The following DISC1 variants were observed in gnomAD, a reference collection of about 807,000 sequenced individuals.
DISC1 encodes DISC1 scaffold protein, also known as disrupted in schizophrenia 1 protein.
A neutral mutation model predicts 84.5 loss-of-function variants in DISC1; 57 were observed. That is an observed-to-expected ratio of 0.67 (90% CI 0.55 to 0.84). The LOEUF (loss-of-function observed/expected upper bound fraction) is 0.84. Ranked by LOEUF, DISC1 falls within the 40% of genes least tolerant of loss-of-function variation. The pLI is 0.00. For synonymous variants in DISC1, 411 were observed against 415.2 expected (o/e 0.99, Z 0.12); for missense variants, 1,000 against 1,057.8 (o/e 0.95, Z 0.76).
intron 3 of DISC1, among the ~76,000 whole-genome samples, chr1:231,726,297 A>G (rs1558432006): frequency 1.3e-5 from 2 of 152,182 alleles, no homozygotes; most frequent in Admixed American, 6.5e-5. Context: ...TGGGCTTCCT[A>G]ATACCAAACC....
chr1:231,709,991 A>G (rs2067609380), intron 3 of DISC1, among the ~76,000 whole-genome samples: 1 of 152,150 alleles, frequency 6.6e-6, no homozygotes, highest in South Asian at 2.1e-4. Context: ...GATTCCAGGT[A>G]GGTCTTGGCC....
chr1:232,032,035 T>C (rs1670098972), intron 12 of DISC1, among the ~76,000 whole-genome samples: 1 of 152,168 alleles, frequency 6.6e-6, no homozygotes, highest in African/African-American at 2.4e-5. Context: ...TTTTTTCAGA[T>C]TGTGGAATAT....
chr1:231,638,275 G>A (rs1173758732), intron 1 of DISC1, among the ~76,000 whole-genome samples: 1 of 152,162 alleles, frequency 6.6e-6, no homozygotes, highest in Non-Finnish European at 1.5e-5. Flanking sequence ...CATTCTGCAG[G>A]TTGTCTCTTA....
At chr1:232,036,241 C>T (rs1236171833) in intron 12 of DISC1, among the ~76,000 whole-genome samples, 1 of 152,166 alleles carries the variant, frequency 6.6e-6, no homozygotes, top group African/African-American at 2.4e-5. Context: ...TCCAGTATGC[C>T]TCTCCCTACT....
chr1:231,885,768 G>A (rs948029270), intron 9 of DISC1, among the ~76,000 whole-genome samples: 1 of 152,174 alleles, frequency 6.6e-6, no homozygotes, highest in Non-Finnish European at 1.5e-5. Flanking sequence ...AAAAGGGGAG[G>A]AGGCAGAGAA....
At chr1:231,871,634 G>GTCT (rs2085473657) in intron 9 of DISC1, among the ~76,000 whole-genome samples, 1 of 152,180 alleles carries the variant, frequency 6.6e-6, no homozygotes, top group African/African-American at 2.4e-5. Context: ...CCGCCTCTTT[G>GTCT]TCTTCTGTCT....
rs186897102 is a variant in DISC1 at position 231,830,469 on chromosome 1, A to C, written c.1981+11952A>C. ...TAAGGAGATTCAGCATAGTCCTGCC[A>C]GCAAAGATTATTTATTTACTTCAAA... On this transcript the variant is annotated intron_variant, in intron 9 of 12. Transcript: ENST00000439617. 4.1e-4 allele frequency among the ~76,000 whole-genome samples: 63 copies of C among 152,332 alleles called. 1 individual carries two copies. The East Asian group carries it at 7.9e-3, about 19-fold the overall frequency.
rs151091484 is a variant in DISC1 at position 231,780,123 on chromosome 1, A to G, written c.1634+9053A>G. ...GAGGGGCGAGGGATAGCATTGGGAG[A>G]TATACCTAATGCTAGATGACGAGTT... On this transcript the variant is annotated intron_variant, in intron 6 of 12. Transcript: ENST00000439617. Among the ~76,000 whole-genome samples, 995 of 151,986 alleles carry G rather than the reference A, an allele frequency of 6.5e-3. 6 individuals carry two copies. The highest frequency in any genetic ancestry group is 0.023 in the African/African-American group (942 of 41,434).
intron 1 of DISC1, among the ~76,000 whole-genome samples, chr1:231,640,369 A>G (rs186587696): frequency 6.6e-6 from 1 of 152,166 alleles, no homozygotes; most frequent in African/African-American, 2.4e-5. Context: ...AGATGAGCAC[A>G]AGACATCATG....
At chr1:231,779,652 C>T (rs141577213) in intron 6 of DISC1, among the ~76,000 whole-genome samples, 235 of 149,392 alleles carry the variant, frequency 1.6e-3, no homozygotes, top group African/African-American at 5.4e-3. Flanking sequence ...CTCCACTTCC[C>T]GGGTTCACGC....
chr1:231,762,203 CTTTTCTTTTCT>C (rs2075753271), intron 4 of DISC1, among the ~76,000 whole-genome samples: 1 of 65,682 alleles, frequency 1.5e-5, no homozygotes, highest in African/African-American at 6.1e-5. Context: ...CTTTTCTTTT[CTTTTCTTTTCT>C]CTTCTTTTCT....
At position 231,958,920 on chromosome 1, in the gene DISC1, C is replaced by T. The variant is rs373211699; in HGVS notation, c.2042+32C>T. On this transcript the variant is annotated intron_variant, in intron 10 of 12. Transcript: ENST00000439617. ...ATAATAATTTCTGTATTTCAGACTCCGTAGCACATCTAGATTCTTTATTAT... is the reference window on the plus strand; with the variant it reads ...ATAATAATTTCTGTATTTCAGACTCTGTAGCACATCTAGATTCTTTATTAT... 113 of 1,598,506 alleles carry T rather than the reference C, an allele frequency of 7.1e-5. No homozygotes were observed. The African/African-American group carries it at 8.8e-4, about 12-fold the overall frequency.
At position 231,959,088 on chromosome 1, in the gene DISC1, T is replaced by C. The variant is rs953657820; in HGVS notation, c.2042+200T>C. On this transcript the variant is annotated intron_variant, in intron 10 of 12. Coordinates refer to ENST00000439617, the MANE Select transcript of DISC1 (RefSeq NM_018662.3). ...TCTTGTCTTTTAAAAAGTAAGTAGA[T>C]TAAGATGTTTAAAAGTGTCTTGGAG... The C allele has an allele frequency of 7.4e-6, 10 of 1,352,172 alleles. No individual in the cohort carries two copies. The African/African-American group carries it at 1.5e-4, about 20-fold the overall frequency. The allele number at this position is 1,352,172 out of a possible 1,614,324, so 83.8% of individuals were successfully genotyped here.
intron 9 of DISC1, among the ~76,000 whole-genome samples, chr1:231,912,735 G>T (rs1479090411): frequency 1.4e-5 from 2 of 139,666 alleles, no homozygotes; most frequent in Non-Finnish European, 3.0e-5. Context: ...TAAGTCTGCA[G>T]CTTGCTCTTC....
intron 9 of DISC1, among the ~76,000 whole-genome samples, chr1:231,847,495 A>G (rs540785451): frequency 6.6e-6 from 1 of 152,228 alleles, no homozygotes; most frequent in South Asian, 2.1e-4. Context: ...CTGGTCACAC[A>G]CAGAAAATAA....
chr1:231,979,600 T>C (rs1254133913), intron 10 of DISC1, among the ~76,000 whole-genome samples: 1 of 150,078 alleles, frequency 6.7e-6, no homozygotes, highest in Non-Finnish European at 1.5e-5. Context: ...TATAATGACA[T>C]ATATATATAT....
intron 10 of DISC1, among the ~76,000 whole-genome samples, chr1:231,997,000 A>G (rs537559482): frequency 7.9e-5 from 12 of 152,282 alleles, no homozygotes; most frequent in African/African-American, 2.9e-4. Context: ...AAAATCAACC[A>G]CTACTCTCTT....
intron 3 of DISC1, among the ~76,000 whole-genome samples, chr1:231,726,590 G>A (rs919466138): frequency 6.6e-6 from 1 of 152,178 alleles, no homozygotes; most frequent in East Asian, 1.9e-4. Context: ...TAAGGGCAGG[G>A]AAGACGGGCT....
chr1:231,742,245 A>G (rs1309614384), intron 3 of DISC1, among the ~76,000 whole-genome samples: 2 of 152,130 alleles, frequency 1.3e-5, no homozygotes, highest in East Asian at 1.9e-4. Flanking sequence ...GGAATATCCA[A>G]TTAGTGAATA....
Sources: allele counts gnomAD v4.1 joint callset (sites outside exome capture counted in the v4.1 genomes callset), GRCh38; gene constraint gnomAD v4.1.1; transcripts MANE v1.5; gene names NCBI Gene and HGNC (gene_info 2026-07-23, HGNC 2026-07-21).